Variants in MLLT10 observed in about 807,000 individuals in gnomAD.
MLLT10 encodes the protein protein AF-10.
In MLLT10, 30 loss-of-function variants were observed where a neutral mutation model predicts 129.1. That is an observed-to-expected ratio of 0.23 (90% CI 0.17 to 0.32). The LOEUF is 0.32. Among genes scored for constraint, MLLT10 ranks in the 10% least tolerant of loss-of-function variants. The pLI, the probability that MLLT10 is intolerant of heterozygous loss-of-function variation, is 1.00. For missense variants in MLLT10, 1,119 were observed against 1,268.3 expected, an observed-to-expected ratio of 0.88 and a Z score of 1.79; for synonymous variants, 490 against 446.4, an observed-to-expected ratio of 1.10 and a Z score of -1.23.
chr10:21,630,851 G>A (rs1407918696), intron 8 of MLLT10, among the ~76,000 whole-genome samples: 3 of 152,194 alleles, frequency 2.0e-5, no homozygotes, highest in Admixed American at 2.0e-4. Context: ...CTGAAGGAGA[G>A]TCTGAATGAA....
At chr10:21,599,348 CAAAA>C (rs953072268) in intron 5 of MLLT10, among the ~76,000 whole-genome samples, 1 of 151,956 alleles carries the variant, frequency 6.6e-6, no homozygotes, top group Non-Finnish European at 1.5e-5. Flanking sequence ...TCTCAAAAAA[CAAAA>C]AGAACAAGCT....
At chr10:21,624,549 A>G (rs1564529401) in intron 8 of MLLT10, 3 of 1,160,344 alleles carry the variant, frequency 2.6e-6, no homozygotes, top group African/African-American at 3.2e-5. Flanking sequence ...ATCTAGAGCC[A>G]GTCGTATCTT....
At chr10:21,566,492 T>C (rs1049085823) in intron 3 of MLLT10, among the ~76,000 whole-genome samples, 1 of 151,670 alleles carries the variant, frequency 6.6e-6, no homozygotes, top group Admixed American at 6.6e-5. Context: ...TAAGCCCAGC[T>C]AATTTTTATA....
intron 21 of MLLT10, among the ~76,000 whole-genome samples, chr10:21,739,242 C>G (rs985656739): frequency 3.9e-5 from 6 of 152,196 alleles, no homozygotes; most frequent in African/African-American, 1.2e-4. Context: ...CTGGCTCCCT[C>G]CACCCTTCCC....
In MLLT10 at chr10:21,713,807, C is replaced by T. The variant is rs566885198; in HGVS notation, c.1735C>T (p.Pro579Ser). The T allele has an allele frequency of 3.1e-6, 5 of 1,613,444 alleles. No homozygotes were observed. Among genetic ancestry groups the T allele is most frequent in the Non-Finnish European group, 4.2e-6 (5 of 1,179,738 alleles). Reference protein sequence around the residue: ...YNSNDVAVSFPNVVSGSGSST... With the variant: ...YNSNDVAVSFSNVVSGSGSST... ...CAGCAATGATGTAGCAGTATCGTTT[C>T]CAAATGTAGTATCTGGCTCGGGATC... Residue 579 changes from proline to serine, a missense_variant, in exon 14 of 23, where the codon CCA becomes TCA. Transcript: ENST00000307729.
At chr10:21,625,618 G>C in intron 8 of MLLT10, 1 of 756,976 alleles carries the variant, frequency 1.3e-6, no homozygotes, top group African/African-American at 1.7e-5. Flanking sequence ...CATAGAGAAT[G>C]ACGTCCACCA....
chr10:21,619,188 T>C (rs1257927701), intron 8 of MLLT10, among the ~76,000 whole-genome samples: 2 of 152,140 alleles, frequency 1.3e-5, no homozygotes, highest in African/African-American at 4.8e-5. Flanking sequence ...AGATTGCTGA[T>C]AAAAAATAGC....
intron 3 of MLLT10, among the ~76,000 whole-genome samples, chr10:21,549,679 TGAG>T (rs1311094951): frequency 6.7e-6 from 1 of 148,974 alleles, no homozygotes. Context: ...TTTTTTTTTT[TGAG>T]AGAGTGTCTT....
chr10:21,689,641 T>TTATATA (rs1184223344), intron 13 of MLLT10, among the ~76,000 whole-genome samples: 20 of 131,974 alleles, frequency 1.5e-4, no homozygotes, highest in African/African-American at 5.1e-4. Context: ...ACACACACAT[T>TTATATA]TATATATATA....
At chr10:21,558,249 C>G (rs10828250) in intron 3 of MLLT10, among the ~76,000 whole-genome samples, 34,668 of 151,780 alleles carry the variant, frequency 0.23, 5,107 homozygotes, top group Middle Eastern at 0.45. Flanking sequence ...CTGTGCTTGG[C>G]CTTATTTTTC....
intron 14 of MLLT10, among the ~76,000 whole-genome samples, chr10:21,718,535 C>A (rs990285659): frequency 6.6e-6 from 1 of 151,996 alleles, no homozygotes; most frequent in African/African-American, 2.4e-5. Context: ...AATTGCATTC[C>A]GTTACATCCT....
At position 21,635,360 on chromosome 10, in the gene MLLT10, A is replaced by G. The variant is rs2047358967; in HGVS notation, c.700-16313A>G. ...TATTCCATGAGTTTTTAGTTTTATT[A>G]TCTATTTGCTTTGCTTGTTTGTTTT... On this transcript the variant is annotated intron_variant, in intron 8 of 22. Coordinates refer to ENST00000307729, the MANE Select transcript of MLLT10 (RefSeq NM_001195626.3). Among the ~76,000 whole-genome samples the G allele has an allele frequency of 2.0e-5, 3 of 151,780 alleles. No homozygotes were observed. In the South Asian group the frequency reaches 6.2e-4, roughly 32 times the overall value.
chr10:21,709,756 T>G (rs915072645), intron 13 of MLLT10, among the ~76,000 whole-genome samples: 2 of 152,166 alleles, frequency 1.3e-5, no homozygotes, highest in African/African-American at 4.8e-5. Context: ...TTTCTTTTTC[T>G]TTTTTGGAGA....
chr10:21,691,240 A>G (rs2053822868), intron 13 of MLLT10, among the ~76,000 whole-genome samples: 1 of 152,230 alleles, frequency 6.6e-6, no homozygotes, highest in South Asian at 2.1e-4. Context: ...CATTTGCAGA[A>G]ACTATGTCCC....
In MLLT10 at chr10:21,740,050, G is replaced by A. The variant is rs759184150; in HGVS notation, c.2976G>A (p.Leu992=). 6.2e-7 allele frequency: 1 copy of A among 1,609,848 alleles called. No individual in the cohort carries two copies. The highest frequency in any genetic ancestry group is 8.5e-7 in the Non-Finnish European group (1 of 1,177,884). Residue 992 remains leucine, a synonymous_variant, in exon 22 of 23, where the codon TTG becomes TTA. Transcript: ENST00000307729. ...CTAAGGAACAACATCAAGCCTTTTT[G>A]TATCAGTTAATGCAACATCACCACC... ...QLTPEQHQAF[L]YQLMQHHHQQ...
intron 13 of MLLT10, among the ~76,000 whole-genome samples, chr10:21,689,692 A>C (rs1219961668): frequency 2.7e-5 from 4 of 147,202 alleles, no homozygotes; most frequent in Non-Finnish European, 6.0e-5. Flanking sequence ...TTTACCTCCA[A>C]GATACTGATA....
At chr10:21,741,078 T>A (rs1733717679) in intron 22 of MLLT10, among the ~76,000 whole-genome samples, 1 of 152,214 alleles carries the variant, frequency 6.6e-6, no homozygotes, top group Admixed American at 6.5e-5. Flanking sequence ...CTTTTAGTCT[T>A]CAGAAACTTT....
chr10:21,719,575 G>A (rs937974489), intron 14 of MLLT10, among the ~76,000 whole-genome samples: 1 of 152,142 alleles, frequency 6.6e-6, no homozygotes, highest in Non-Finnish European at 1.5e-5. Flanking sequence ...ATTTTACTGT[G>A]TTCATTTGTG....
chr10:21,681,720 C>T (rs945202522), intron 12 of MLLT10, among the ~76,000 whole-genome samples: 8 of 151,806 alleles, frequency 5.3e-5, no homozygotes, highest in Non-Finnish European at 8.8e-5. Flanking sequence ...TATATTTGCA[C>T]TAGGTGGTTT....
Sources: gnomAD v4.1 joint callset for allele counts (sites outside exome capture counted in the v4.1 genomes callset) on GRCh38, gnomAD v4.1.1 for gene constraint, MANE v1.5 for transcripts, NCBI Gene and HGNC (gene_info 2026-07-23, HGNC 2026-07-21) for gene names.